The following KCTD18 variants were observed in gnomAD, a reference collection of about 807,000 sequenced individuals.
KCTD18 encodes potassium channel tetramerization domain containing 18.
In KCTD18, 22 loss-of-function variants were observed where a neutral mutation model predicts 30.4. The observed-to-expected ratio is 0.72, with a 90% CI of 0.52 to 1.03. The LOEUF (loss-of-function observed/expected upper bound fraction) is 1.03. Among genes scored for constraint, KCTD18 ranks in the 50% least tolerant of loss-of-function variants. KCTD18 has a pLI of 0.00. For missense variants in KCTD18, 529 were observed against 547.6 expected (o/e 0.97, Z 0.34); for synonymous variants, 186 against 209.0 (o/e 0.89, Z 0.95).
chr2:200,493,133 TA>T (rs779627463), intron 6 of KCTD18, 38 bp downstream of exon 6: 5 of 1,258,350 alleles, frequency 4.0e-6, no homozygotes, highest in Non-Finnish European at 5.8e-6. Context: ...TGTCAGCGAT[TA>T]AAAAAACAAA....
At chr2:200,507,576 C>T (rs753584165) in intron 1 of KCTD18, among the ~76,000 whole-genome samples, 15 of 151,928 alleles carry the variant, frequency 9.9e-5, no homozygotes, top group Non-Finnish European at 1.8e-4. Flanking sequence ...GCTCAAAGGA[C>T]TATAAGAGGA....
chr2:200,505,481 C>T (rs1403829711), intron 2 of KCTD18, among the ~76,000 whole-genome samples: 1 of 152,158 alleles, frequency 6.6e-6, no homozygotes, highest in Non-Finnish European at 1.5e-5. Flanking sequence ...GTTCTCACTA[C>T]CATATGGGAA....
Position 200,504,814 on chromosome 2 carries a change from G to A in KCTD18, c.306C>T (p.Ser102=). Residue 102 remains serine, a synonymous_variant, in exon 3 of 7, where the codon AGC becomes AGT. Coordinates refer to ENST00000359878, the MANE Select transcript of KCTD18 (RefSeq NM_152387.4). The stretch of plus-strand genomic sequence containing the variant: ...TTTCATTGGCCAAATGGTCAGACAG[G>A]CTGTATGGATAAGGGATGCCAAAGT... The part of the protein sequence containing the change: ...ADYFGIPYPY[S]LSDHLANEME... 5.0e-6 allele frequency: 8 copies of A among 1,614,154 alleles called. No individual in the cohort carries two copies. Among genetic ancestry groups the A allele is most frequent in the Non-Finnish European group, 6.8e-6 (8 of 1,180,008 alleles).
At position 200,497,855 on chromosome 2, in the gene KCTD18, T is replaced by C; in HGVS notation, c.567-8A>G. On this transcript the variant is annotated splice_polypyrimidine_tract_variant and splice_region_variant and intron_variant, in intron 4 of 6. Transcript: ENST00000359878. ...ACATTATTTCCCGCCTCTCTAGAAA[T>C]ATTGCAAAGAGTAATGAAAATATAC... is the stretch of plus-strand genomic sequence containing the variant. The C allele has an allele frequency of 6.3e-7, 1 of 1,581,732 alleles. No homozygotes were observed. The highest frequency in any genetic ancestry group is 2.2e-5 in the East Asian group (1 of 44,594).
chr2:200,497,631 A>C, intron 5 of KCTD18, 122 bp downstream of exon 5: 1 of 725,188 alleles, frequency 1.4e-6, no homozygotes, highest in Non-Finnish European at 2.4e-6. Flanking sequence ...TCATGAGATG[A>C]CAAATACATT....
rs953888819 is a variant in KCTD18, at chr2:200,507,072, A to G, written c.-56T>C. ...CCAACACTTTCAGAAACTTCAAAAC[A>G]ATGATGTCTTGGTCTCCCTCTGTAA... is the stretch of plus-strand genomic sequence containing the variant. On this transcript the variant is annotated 5_prime_UTR_variant, in exon 2 of 7. Coordinates refer to ENST00000359878, the MANE Select transcript of KCTD18 (RefSeq NM_152387.4). The G allele has an allele frequency of 2.7e-6, 4 of 1,460,266 alleles. No homozygotes were observed. The highest frequency in any genetic ancestry group is 3.8e-6 in the Non-Finnish European group (4 of 1,062,580). The allele number at this position is 1,460,266 out of a possible 1,614,324, so 90.5% of individuals were successfully genotyped here. A position where few individuals can be genotyped will look rare whatever the true frequency, so the allele number is the denominator to read the frequency against.
At chr2:200,499,842 A>T (rs58671975) in intron 3 of KCTD18, among the ~76,000 whole-genome samples, 3 of 147,308 alleles carry the variant, frequency 2.0e-5, no homozygotes, top group African/African-American at 5.0e-5. Context: ...AGAATTTTAG[A>T]CCAATATCCT....
chr2:200,492,362 C>T (rs62279312), intron 6 of KCTD18, among the ~76,000 whole-genome samples: 10 of 152,034 alleles, frequency 6.6e-5, no homozygotes, highest in South Asian at 2.1e-4. Context: ...AATCACCCCT[C>T]GTTGAGAACC....
intron 5 of KCTD18, 107 bp downstream of exon 5, chr2:200,497,646 G>A (rs2106279625): frequency 1.3e-6 from 1 of 785,978 alleles, no homozygotes; most frequent in East Asian, 2.5e-5. Flanking sequence ...TACATTGTAA[G>A]ACTCAAAAGA....
Position 200,493,311 on chromosome 2 carries a change from T to C in KCTD18, c.662-37A>G, listed in dbSNP as rs755252564. On this transcript the variant is annotated intron_variant, in intron 5 of 6. Transcript: ENST00000359878. ...AAAGACATAATTAAGACAGCTACCA[T>C]CCACTGCAAAATGCTGAGCAACACT... 1.3e-5 allele frequency: 15 copies of C among 1,176,516 alleles called. No homozygotes were observed. The African/African-American group carries it at 2.1e-4, about 17-fold the overall frequency. The allele number at this position is 1,176,516 out of a possible 1,614,324, so 72.9% of individuals were successfully genotyped here. A position where few individuals can be genotyped will look rare whatever the true frequency, so the allele number is the denominator to read the frequency against.
At chr2:200,502,164 C>T (rs2106282739) in intron 3 of KCTD18, among the ~76,000 whole-genome samples, 1 of 152,022 alleles carries the variant, frequency 6.6e-6, no homozygotes, top group Non-Finnish European at 1.5e-5. Flanking sequence ...GGAGGGATAG[C>T]ATTGGGAGAT....
intron 3 of KCTD18, among the ~76,000 whole-genome samples, chr2:200,500,011 C>T (rs1559184401): frequency 6.6e-6 from 1 of 152,068 alleles, no homozygotes; most frequent in Non-Finnish European, 1.5e-5. Context: ...AGCATATAAA[C>T]AGAACCAAAG....
chr2:200,490,232 C>A lies in KCTD18; in HGVS notation c.1149G>T (p.Pro383=). Residue 383 remains proline (P), a synonymous_variant, in exon 7 of 7, where the codon CCG becomes CCT. Coordinates refer to ENST00000359878, the MANE Select transcript of KCTD18 (RefSeq NM_152387.4). ...PQRVIKLKRT[P]LCATAPCLPS... is the part of the protein sequence containing the mutation. ...GCAGGCAAGGCGCGGTGGCGCACAGCGGAGTCCTCTTCAGCTTTATCACCC... is the reference window on the plus strand; with the variant it reads ...GCAGGCAAGGCGCGGTGGCGCACAGAGGAGTCCTCTTCAGCTTTATCACCC... The A allele has an allele frequency of 1.2e-6, 2 of 1,614,212 alleles. No individual in the cohort carries two copies. The highest frequency in any genetic ancestry group is 1.7e-6 in the Non-Finnish European group (2 of 1,180,024).
chr2:200,497,934 G>C (rs750244057), intron 4 of KCTD18, 87 bp from the exon 5 acceptor site: 17 of 928,918 alleles, frequency 1.8e-5, no homozygotes, highest in Non-Finnish European at 2.7e-5. Context: ...TTTAATAAGA[G>C]CTTGTTAATT....
intron 3 of KCTD18, among the ~76,000 whole-genome samples, chr2:200,500,911 A>G (rs2088074171): frequency 6.6e-6 from 1 of 152,176 alleles, no homozygotes; most frequent in Admixed American, 6.5e-5. Context: ...TAACCAAAAC[A>G]GCATGGTACT....
chr2:200,490,409 C>T lies in KCTD18; in HGVS notation c.972G>A (p.Gln324=). The T allele has an allele frequency of 6.2e-7, 1 of 1,614,124 alleles. No homozygotes were observed. Among genetic ancestry groups the T allele is most frequent in the Non-Finnish European group, 8.5e-7 (1 of 1,179,962 alleles). The part of the protein sequence containing the change: ...FQSGSRRKAA[Q]RSAPSRATAL... ...CCGTGGCTCTGGAAGGTGCAGAGCG[C>T]TGAGCTGCCTTTCTGCGGCTACCAC... Residue 324 remains glutamine, a synonymous_variant, in exon 7 of 7, where the codon CAG becomes CAA. Coordinates refer to ENST00000359878, the MANE Select transcript of KCTD18 (RefSeq NM_152387.4).
At chr2:200,503,890 T>C (rs2030013678) in intron 3 of KCTD18, among the ~76,000 whole-genome samples, 2 of 152,186 alleles carry the variant, frequency 1.3e-5, no homozygotes, top group South Asian at 2.1e-4. Context: ...TAATAACACA[T>C]ATAATACTTT....
intron 4 of KCTD18, among the ~76,000 whole-genome samples, chr2:200,498,056 CTCT>C (rs3835856): frequency 0.16 from 24,206 of 151,956 alleles, 2,164 homozygotes; most frequent in Non-Finnish European, 0.2. Flanking sequence ...ATATTTTGAT[CTCT>C]TTTTATCATA....
intron 3 of KCTD18, among the ~76,000 whole-genome samples, chr2:200,501,787 G>A (rs1264800759): frequency 6.6e-6 from 1 of 151,688 alleles, no homozygotes; most frequent in Non-Finnish European, 1.5e-5. Flanking sequence ...CCATTACTGG[G>A]TATATACCCA....
Sources: allele counts gnomAD v4.1 joint callset (sites outside exome capture counted in the v4.1 genomes callset), GRCh38; gene constraint gnomAD v4.1.1; transcripts MANE v1.5; gene names NCBI Gene and HGNC (gene_info 2026-07-23, HGNC 2026-07-21).